The following PCDH9 variants were observed in gnomAD, a reference collection of about 807,000 sequenced individuals.
PCDH9 encodes the protein protocadherin 9.
Under a neutral mutation model 70.6 loss-of-function variants are expected in PCDH9, and 24 were observed. That is an observed-to-expected ratio of 0.34 (90% CI 0.25 to 0.48). The LOEUF (loss-of-function observed/expected upper bound fraction) is 0.48. Ranked by LOEUF, PCDH9 falls within the 20% of genes least tolerant of loss-of-function variation. The pLI is 0.99. For synonymous variants in PCDH9, 562 were observed against 558.5 expected (o/e 1.01, Z -0.09); for missense variants, 1,281 against 1,503.6 (o/e 0.85, Z 2.45).
chr13:66,393,591 T>A (rs1042676325), intron 4 of PCDH9, among the ~76,000 whole-genome samples: 7 of 152,328 alleles, frequency 4.6e-5, no homozygotes, highest in African/African-American at 1.7e-4. Flanking sequence ...TTCACTAACA[T>A]ATAATTAATG....
intron 3 of PCDH9, among the ~76,000 whole-genome samples, chr13:66,731,388 T>C (rs893552195): frequency 1.4e-4 from 22 of 152,176 alleles, no homozygotes; most frequent in Non-Finnish European, 4.4e-5. Flanking sequence ...TGGTTACTTT[T>C]AGCCTTTAGA....
chr13:67,101,128 C>T (rs1354375705), intron 2 of PCDH9, among the ~76,000 whole-genome samples: 1 of 152,178 alleles, frequency 6.6e-6, no homozygotes, highest in Admixed American at 6.6e-5. Flanking sequence ...TCTGCCACTG[C>T]CATCAGCAAT....
At chr13:66,545,493 C>T (rs1961144457) in intron 4 of PCDH9, among the ~76,000 whole-genome samples, 1 of 152,126 alleles carries the variant, frequency 6.6e-6, no homozygotes, top group African/African-American at 2.4e-5. Context: ...ACAAATTATA[C>T]ACTTATTGTC....
chr13:66,964,011 A>G (rs939240283), intron 2 of PCDH9, among the ~76,000 whole-genome samples: 1 of 152,254 alleles, frequency 6.6e-6, no homozygotes, highest in East Asian at 1.9e-4. Context: ...TAGTTTACAG[A>G]CTTAATAATA....
intron 2 of PCDH9, among the ~76,000 whole-genome samples, chr13:67,097,364 T>C (rs570608063): frequency 7.2e-5 from 11 of 152,332 alleles, no homozygotes; most frequent in Admixed American, 3.9e-4. Flanking sequence ...ATGAAAGTTA[T>C]GGGCAATTTA....
rs2077177415 is a variant in PCDH9, at chr13:66,602,651, T to C, written c.3340+28559A>G. On this transcript the variant is annotated intron_variant, in intron 4 of 4. Coordinates refer to ENST00000377865, the MANE Select transcript of PCDH9 (RefSeq NM_203487.3). ...AAGTAAGCTAAGTTTAATTTATTATTGAAGAAAGAAAAAAAATTTAAATAA... is the reference window on the plus strand; with the variant it reads ...AAGTAAGCTAAGTTTAATTTATTATCGAAGAAAGAAAAAAAATTTAAATAA... Among the ~76,000 whole-genome samples the C allele has an allele frequency of 2.7e-5, 4 of 145,710 alleles. 1 individual carries two copies. The highest frequency in any genetic ancestry group is 6.2e-5 in the Non-Finnish European group (4 of 64,844).
intron 3 of PCDH9, among the ~76,000 whole-genome samples, chr13:66,760,090 T>C (rs1435682854): frequency 2.0e-5 from 3 of 152,156 alleles, no homozygotes; most frequent in Non-Finnish European, 4.4e-5. Flanking sequence ...CTCCTTCATT[T>C]CAGAAAGATA....
chr13:66,910,359 C>T (rs1223893304), intron 2 of PCDH9, among the ~76,000 whole-genome samples: 1 of 124,120 alleles, frequency 8.1e-6, no homozygotes, highest in Non-Finnish European at 1.7e-5. Flanking sequence ...TCCATGTGAT[C>T]AAGTGAAATT....
chr13:66,559,833 T>TATATACAC (rs777316241), intron 4 of PCDH9, among the ~76,000 whole-genome samples: 157 of 87,110 alleles, frequency 1.8e-3, no homozygotes, highest in African/African-American at 5.7e-3. Flanking sequence ...TATATATATA[T>TATATACAC]ACACACACAC....
chr13:67,081,993 T>C (rs528499994), intron 2 of PCDH9, among the ~76,000 whole-genome samples: 16 of 152,282 alleles, frequency 1.1e-4, no homozygotes, highest in Admixed American at 3.3e-4. Context: ...TGGAGATAAA[T>C]GTACACTTGT....
chr13:66,871,759 G>T (rs2081693151), intron 3 of PCDH9, among the ~76,000 whole-genome samples: 1 of 151,968 alleles, frequency 6.6e-6, no homozygotes, highest in Admixed American at 6.6e-5. Flanking sequence ...ATCTATCCTT[G>T]TGCAAATTTT....
intron 3 of PCDH9, among the ~76,000 whole-genome samples, chr13:66,755,946 T>C (rs1167582421): frequency 6.6e-6 from 1 of 152,166 alleles, no homozygotes; most frequent in East Asian, 1.9e-4. Flanking sequence ...CATTTCAAAA[T>C]CGTTTGCATC....
At chr13:66,383,963 T>C (rs1353483841) in intron 4 of PCDH9, among the ~76,000 whole-genome samples, 1 of 152,174 alleles carries the variant, frequency 6.6e-6, no homozygotes, top group Non-Finnish European at 1.5e-5. Context: ...GGACTTAGAT[T>C]TCACATTAAA....
intron 2 of PCDH9, among the ~76,000 whole-genome samples, chr13:67,134,757 T>TA (rs1308104905): frequency 4.6e-5 from 7 of 152,136 alleles, no homozygotes; most frequent in Non-Finnish European, 8.8e-5. Flanking sequence ...CATCTATAAA[T>TA]ACACTCCAGA....
At chr13:66,984,373 C>A (rs1420405050) in intron 2 of PCDH9, among the ~76,000 whole-genome samples, 1 of 152,122 alleles carries the variant, frequency 6.6e-6, no homozygotes, top group Non-Finnish European at 1.5e-5. Context: ...CATTTCCAAA[C>A]CAACTTCATT....
intron 2 of PCDH9, among the ~76,000 whole-genome samples, chr13:67,168,340 C>A (rs760255437): frequency 3.9e-5 from 6 of 151,910 alleles, no homozygotes; most frequent in Non-Finnish European, 8.8e-5. Context: ...ACGTTCATAA[C>A]CATGGGGAAA....
chr13:66,371,757 G>A (rs925210638), intron 4 of PCDH9, among the ~76,000 whole-genome samples: 6 of 151,894 alleles, frequency 4.0e-5, no homozygotes, highest in African/African-American at 1.4e-4. Context: ...GATACTAAAC[G>A]CCGAATGAAA....
intron 4 of PCDH9, among the ~76,000 whole-genome samples, chr13:66,345,086 T>G (rs923920819): frequency 1.3e-5 from 2 of 152,124 alleles, no homozygotes; most frequent in Non-Finnish European, 2.9e-5. Context: ...GCTCCATGCC[T>G]TTTTCCAAAG....
chr13:66,928,380 C>T lies in PCDH9; in HGVS notation c.3037-24775G>A, dbSNP rs115672880. ...CTGTCTGGCTCTTAATATGGAATTTCGTGTCTCACAACAATACACAAGGTG... is the reference window on the plus strand; with the variant it reads ...CTGTCTGGCTCTTAATATGGAATTTTGTGTCTCACAACAATACACAAGGTG... On this transcript the variant is annotated intron_variant, in intron 2 of 4. Transcript: ENST00000377865. 3.9e-3 allele frequency among the ~76,000 whole-genome samples: 587 copies of T among 152,158 alleles called. 5 individuals carry two copies. The highest frequency in any genetic ancestry group is 0.014 in the African/African-American group (569 of 41,512).
Sources: gnomAD v4.1 joint callset for allele counts (sites outside exome capture counted in the v4.1 genomes callset) on GRCh38, gnomAD v4.1.1 for gene constraint, MANE v1.5 for transcripts, NCBI Gene and HGNC (gene_info 2026-07-23, HGNC 2026-07-21) for gene names.